The following DCAF6 variants were observed in gnomAD, a reference collection of about 807,000 sequenced individuals.
DCAF6 encodes DDB1 and CUL4 associated factor 6, also known as DDB1- and CUL4-associated factor 6.
A neutral mutation model predicts 125.1 loss-of-function variants in DCAF6; 54 were observed. The ratio of observed to expected loss-of-function variants is 0.43; its 90% confidence interval spans 0.35 to 0.54. DCAF6 has a LOEUF of 0.54. DCAF6 is among the 20% of genes least tolerant of loss of function. The pLI is 0.01. For missense variants in DCAF6, 934 were observed against 1,161.7 expected, an observed-to-expected ratio of 0.80 and a Z score of 2.85; for synonymous variants, 371 against 390.4, an observed-to-expected ratio of 0.95 and a Z score of 0.58.
At chr1:167,931,450 T>C (rs1229560347), upstream of DCAF6, among the ~76,000 whole-genome samples, 1 of 152,120 alleles carries the variant, frequency 6.6e-6, no homozygotes. Context: ...TAATCTTACA[T>C]CTATTTTAGT....
At chr1:167,905,013 A>G in the DCAF6 span, 1 of 1,614,208 alleles carries the variant, frequency 6.2e-7, no homozygotes, top group Non-Finnish European at 8.5e-7. Context: ...AACAAACATC[A>G]GGACTCCGTC....
chr1:167,991,282 T>G lies in DCAF6; in HGVS notation c.631T>G (p.Cys211Gly). Residue 211 changes from cysteine (C) to glycine (G), a missense_variant, in exon 6 of 22, where the codon TGT becomes GGT. Cys to Gly is a radical substitution (Grantham distance 159). This residue lies in a region of DCAF6 where 309 missense variants were observed against 381.2 expected (regional missense o/e 0.81). Transcript: ENST00000367840. ...PPIPYYLAVG[C>G]SDSSVRIYDR... is the part of the protein sequence containing the mutation. The stretch of plus-strand genomic sequence containing the variant: ...AATACCATATTACCTTGCTGTTGGT[T>G]GTTCTGACAGCTCAGTACGAATATA... 6.2e-7 allele frequency: 1 copy of G among 1,613,744 alleles called. No individual in the cohort carries two copies. The highest frequency in any genetic ancestry group is 1.3e-5 in the African/African-American group (1 of 75,046).
chr1:167,947,226 T>C (rs1673211396), intron 1 of DCAF6, among the ~76,000 whole-genome samples: 1 of 152,176 alleles, frequency 6.6e-6, no homozygotes, highest in African/African-American at 2.4e-5. Context: ...GTCTCCTTTT[T>C]CATTTCTGAT....
chr1:168,031,415 T>C (rs1687074718), intron 12 of DCAF6, among the ~76,000 whole-genome samples: 1 of 152,032 alleles, frequency 6.6e-6, no homozygotes, highest in South Asian at 2.1e-4. Context: ...AAAAAAATTA[T>C]CCCCTAAGTT....
chr1:167,911,636 C>T, the DCAF6 span, among the ~76,000 whole-genome samples: 3 of 152,188 alleles, frequency 2.0e-5, no homozygotes, highest in Non-Finnish European at 4.4e-5. Flanking sequence ...TTATAAATGA[C>T]CCCGTCTCCT....
At chr1:168,057,425 G>A (rs1165284546) in intron 17 of DCAF6, among the ~76,000 whole-genome samples, 12 of 152,160 alleles carry the variant, frequency 7.9e-5, no homozygotes, top group South Asian at 2.1e-4. Flanking sequence ...AAAGTCAGGA[G>A]TCTAGGTTTT....
the DCAF6 span, chr1:167,896,561 G>A: frequency 6.5e-7 from 1 of 1,528,408 alleles, no homozygotes; most frequent in Non-Finnish European, 9.1e-7. Context: ...ACCACTGGTA[G>A]AGGCAAAGGC....
intron 1 of DCAF6, among the ~76,000 whole-genome samples, chr1:167,937,436 A>G (rs972707950): frequency 3.3e-5 from 5 of 152,114 alleles, no homozygotes; most frequent in African/African-American, 1.2e-4. Flanking sequence ...CAGAGGGTTT[A>G]GGTGTCGGCT....
the DCAF6 span, chr1:167,875,240 G>A: frequency 1.1e-3 from 1,722 of 1,542,228 alleles, 1 homozygote; most frequent in Admixed American, 2.0e-3. Context: ...GACATATTGA[G>A]AGCAAGAGTG....
intron 20 of DCAF6, among the ~76,000 whole-genome samples, chr1:168,067,477 G>A (rs1419019025): frequency 6.6e-6 from 1 of 152,140 alleles, no homozygotes; most frequent in Non-Finnish European, 1.5e-5. Flanking sequence ...GAATTGGACA[G>A]AAGTCTGAGA....
At chr1:167,943,175 C>G (rs1672516718) in intron 1 of DCAF6, among the ~76,000 whole-genome samples, 1 of 152,182 alleles carries the variant, frequency 6.6e-6, no homozygotes, top group Admixed American at 6.5e-5. Context: ...TACCAAAGTG[C>G]TGGGATTACA....
chr1:168,045,571 T>A (rs1006902313), intron 16 of DCAF6, among the ~76,000 whole-genome samples: 1 of 152,176 alleles, frequency 6.6e-6, no homozygotes, highest in Non-Finnish European at 1.5e-5. Context: ...CTTGTAGATA[T>A]CCAGGCCTTT....
At chr1:167,869,970 C>T in the DCAF6 span, among the ~76,000 whole-genome samples, 10 of 152,328 alleles carry the variant, frequency 6.6e-5, no homozygotes, top group East Asian at 1.9e-3. Flanking sequence ...ATCTCAACAT[C>T]TATGCCAATT....
At chr1:167,965,323 T>C (rs575405741) in intron 2 of DCAF6, among the ~76,000 whole-genome samples, 5 of 152,314 alleles carry the variant, frequency 3.3e-5, no homozygotes, top group African/African-American at 7.2e-5. Context: ...GCTGGAGTTA[T>C]GTATTTTCCT....
chr1:168,029,417 T>G (rs2103292719), intron 12 of DCAF6, among the ~76,000 whole-genome samples: 1 of 152,330 alleles, frequency 6.6e-6, no homozygotes, highest in Non-Finnish European at 1.5e-5. Context: ...CGTAAATGCC[T>G]ACCTACCTTG....
chr1:167,932,552 T>C (rs1007789999), upstream of DCAF6, among the ~76,000 whole-genome samples: 6 of 152,054 alleles, frequency 3.9e-5, no homozygotes, highest in Non-Finnish European at 8.8e-5. Flanking sequence ...CTCACACCTG[T>C]AATCCCAGCA....
the DCAF6 span, chr1:167,878,429 T>G: frequency 6.2e-7 from 1 of 1,612,184 alleles, no homozygotes; most frequent in Non-Finnish European, 8.5e-7. Context: ...ACTTCAAAAT[T>G]AATGCTCCAC....
intron 2 of DCAF6, among the ~76,000 whole-genome samples, chr1:167,955,769 T>A (rs963678846): frequency 6.6e-6 from 1 of 152,150 alleles, no homozygotes; most frequent in African/African-American, 2.4e-5. Flanking sequence ...CTTGTTCTGA[T>A]CTTAGAAGGA....
At chr1:167,901,765 C>T in the DCAF6 span, 1 of 1,614,194 alleles carries the variant, frequency 6.2e-7, no homozygotes, top group Non-Finnish European at 8.5e-7. Context: ...TGTTTTTCAG[C>T]TGCTTTCGCT....
Sources: gnomAD v4.1 joint callset for allele counts (sites outside exome capture counted in the v4.1 genomes callset) on GRCh38, gnomAD v4.1.1 for gene constraint, gnomAD v4.1.1 regional missense constraint, MANE v1.5 for transcripts, NCBI Gene and HGNC (gene_info 2026-07-23, HGNC 2026-07-21) for gene names.